The following ARID1A variants were observed in gnomAD, a reference collection of about 807,000 sequenced individuals.
The protein encoded by ARID1A is AT-rich interactive domain-containing protein 1A.
In ARID1A, 20 loss-of-function variants were observed where a neutral mutation model predicts 212.6. The ratio of observed to expected loss-of-function variants is 0.09; its 90% CI spans 0.07 to 0.14. ARID1A has a LOEUF of 0.14. ARID1A is among the 10% of genes least tolerant of loss of function. The pLI is 1.00. For synonymous variants in ARID1A, 1,376 were observed against 1,222.1 expected (o/e 1.13, Z -2.63); for missense variants, 2,587 against 3,059.0 (o/e 0.85, Z 3.64).
At chr1:26,748,367 T>C (rs1341159447) in intron 4 of ARID1A, among the ~76,000 whole-genome samples, 1 of 152,160 alleles carries the variant, frequency 6.6e-6, no homozygotes, top group East Asian at 1.9e-4. Context: ...CACTCCCCTT[T>C]CCTGCCCTCT....
intron 12 of ARID1A, chr1:26,772,180 T>G (rs376278666): frequency 6.1e-6 from 2 of 329,058 alleles, no homozygotes; most frequent in African/African-American, 4.1e-5. Context: ...CAGGGTTTAG[T>G]AGGTTAGACA....
At chr1:26,737,217 G>GGT (rs2080742644) in intron 4 of ARID1A, among the ~76,000 whole-genome samples, 1 of 152,024 alleles carries the variant, frequency 6.6e-6, no homozygotes, top group Non-Finnish European at 1.5e-5. Context: ...CCCAGGTTCA[G>GGT]GTGATCCTCC....
rs2124087644 is a variant in ARID1A, at chr1:26,767,971, C to T, written c.3170C>T (p.Ser1057Phe). 1.2e-6 allele frequency: 2 copies of T among 1,613,808 alleles called. No homozygotes were observed. Among genetic ancestry groups the T allele is most frequent in the Non-Finnish European group, 1.7e-6 (2 of 1,179,884 alleles). ...KPLDLYRLYV[S>F]VKEIGGLTQV... ...CTGGACCTCTATCGCCTCTATGTGT[C>T]TGTGAAGGAGATTGGTGGATTGACT... The change falls in exon 11 of 20, where the codon TCT (serine) becomes TTT (phenylalanine). Residue 1057 changes from serine to phenylalanine, a missense_variant. Around this residue, in one of 11 missense-constraint regions of ARID1A, gnomAD observed 44 missense variants for 99.5 expected, o/e 0.44. Coordinates refer to ENST00000324856, the MANE Select transcript of ARID1A (RefSeq NM_006015.6).
chr1:26,742,967 C>G (rs1297730682), intron 4 of ARID1A, among the ~76,000 whole-genome samples: 4 of 151,844 alleles, frequency 2.6e-5, no homozygotes, highest in Non-Finnish European at 5.9e-5. Context: ...GAGACTGTCT[C>G]AAAAAAAGAA....
chr1:26,711,346 C>T (rs1046017888), intron 1 of ARID1A, among the ~76,000 whole-genome samples: 1 of 152,206 alleles, frequency 6.6e-6, no homozygotes, highest in African/African-American at 2.4e-5. Context: ...AAGTCTCAAA[C>T]TCCTGACCTC....
At chr1:26,720,843 G>A (rs560081475) in intron 1 of ARID1A, among the ~76,000 whole-genome samples, 3 of 151,640 alleles carry the variant, frequency 2.0e-5, no homozygotes, top group African/African-American at 7.3e-5. Context: ...CACTCCAGCC[G>A]GGGTGACAGA....
chr1:26,732,819 G>C (rs2080693221), intron 4 of ARID1A, 27 bp downstream of exon 4: 12 of 1,577,284 alleles, frequency 7.6e-6, no homozygotes, highest in Non-Finnish European at 1.0e-5. Context: ...CTTCTGAAAG[G>C]TGATAGGGGC....
In ARID1A at chr1:26,775,204, C is replaced by A. The variant is rs534386623; in HGVS notation, c.4977C>A (p.Leu1659=). ...TQPVLKQRRR[L]TMKDIGTPEA... ...CTGTGTTGAAGCAGAGGAGGCGGCT[C>A]ACAATGAAAGACATTGGTAAGGAGA... Residue 1659 remains leucine, a synonymous_variant, in exon 18 of 20, where the codon CTC becomes CTA. Coordinates refer to ENST00000324856, the MANE Select transcript of ARID1A (RefSeq NM_006015.6). 23 of 1,592,614 alleles carry A rather than the reference C, an allele frequency of 1.4e-5. No individual in the cohort carries two copies. The South Asian group carries it at 1.8e-4, about 13-fold the overall frequency.
intron 1 of ARID1A, among the ~76,000 whole-genome samples, chr1:26,709,389 C>T (rs2080427512): frequency 6.6e-6 from 1 of 152,066 alleles, no homozygotes; most frequent in Admixed American, 6.6e-5. Flanking sequence ...TCCCCTGCAC[C>T]CAGCACCCCT....
Position 26,766,287 on chromosome 1 carries a change from G to GATTAAT in ARID1A, c.2801_2806dup (p.Ile934_Asn935dup). 1 of 1,614,168 alleles carries GATTAAT rather than the reference G, an allele frequency of 6.2e-7. No homozygotes were observed. The highest frequency in any genetic ancestry group is 8.5e-7 in the Non-Finnish European group (1 of 1,180,026). On this transcript the variant is annotated inframe_insertion, in exon 9 of 20. Transcript: ENST00000324856. ...GAACTGGACCTCCTTATGGACAAGG[G>GATTAAT]ATTAATAGTATGGCTGGCATGATCA...
In ARID1A at chr1:26,773,593, ATAGGGCCTGAGG is replaced by A; in HGVS notation, c.3881_3892del (p.Ile1294_Gly1298delinsArg). 1 of 1,614,198 alleles carries A rather than the reference ATAGGGCCTGAGG, an allele frequency of 6.2e-7. No homozygotes were observed. Among genetic ancestry groups the A allele is most frequent in the Non-Finnish European group, 8.5e-7 (1 of 1,180,026 alleles). ...AATTTTGTTTAGGACGGAGCCTGGA[ATAGGGCCTGAGG>A]GAAACATGAGCACTGGGGCCCCACA... On this transcript the variant is annotated inframe_deletion, in exon 16 of 20. Coordinates refer to ENST00000324856, the MANE Select transcript of ARID1A (RefSeq NM_006015.6).
intron 1 of ARID1A, among the ~76,000 whole-genome samples, chr1:26,718,063 T>C (rs1023151524): frequency 3.9e-5 from 6 of 152,078 alleles, no homozygotes; most frequent in Non-Finnish European, 8.8e-5. Context: ...CAACCTCCGC[T>C]TCCCAGGTTC....
intron 1 of ARID1A, among the ~76,000 whole-genome samples, chr1:26,721,277 T>A (rs1431865885): frequency 6.6e-6 from 1 of 152,170 alleles, no homozygotes; most frequent in Non-Finnish European, 1.5e-5. Context: ...AGTGGTGCGA[T>A]CTCGGCTCAC....
chr1:26,763,638 C>T (rs558333394), intron 8 of ARID1A, among the ~76,000 whole-genome samples: 13 of 152,258 alleles, frequency 8.5e-5, no homozygotes, highest in African/African-American at 2.9e-4. Flanking sequence ...GGTGTGGTGG[C>T]GCACGCCTGT....
chr1:26,767,166 A>G (rs11247596), intron 10 of ARID1A, among the ~76,000 whole-genome samples: 26,342 of 152,190 alleles, frequency 0.17, 2,787 homozygotes, highest in South Asian at 0.27. Flanking sequence ...AATAAAAATC[A>G]TAGCTGTTAA....
Position 26,728,683 on chromosome 1 carries a change from T to C in ARID1A, c.1138-968T>C, listed in dbSNP as rs1363871270. On this transcript the variant is annotated intron_variant, in intron 1 of 19. Transcript: ENST00000324856. ...CCAATGTAAGAGCTAGTTTTTAAGT[T>C]TTATATCAGACCCATGCCTACTCTC... Among the ~76,000 whole-genome samples, 5 of 152,290 alleles carry C rather than the reference T, an allele frequency of 3.3e-5. 1 individual carries two copies. In the East Asian group the frequency reaches 9.6e-4, roughly 29 times the overall value.
chr1:26,719,816 C>G (rs566938267), intron 1 of ARID1A, among the ~76,000 whole-genome samples: 9 of 151,170 alleles, frequency 6.0e-5, no homozygotes, highest in African/African-American at 2.2e-4. Context: ...TGACATGCGC[C>G]TGTAATCCCA....
At chr1:26,773,136 C>G (rs1484205647) in intron 14 of ARID1A, 149 bp downstream of exon 14, 12 of 1,279,796 alleles carry the variant, frequency 9.4e-6, no homozygotes, top group Non-Finnish European at 1.2e-5. Flanking sequence ...TCATCCTTAC[C>G]TCCTTTCTTG....
chr1:26,768,036 T>C, intron 11 of ARID1A, 37 bp downstream of exon 11: 1 of 1,598,208 alleles, frequency 6.3e-7, no homozygotes, highest in Non-Finnish European at 8.6e-7. Context: ...CCCCTGTGGT[T>C]TCCACAAACC....
Sources: allele counts gnomAD v4.1 joint callset (sites outside exome capture counted in the v4.1 genomes callset), GRCh38; gene constraint gnomAD v4.1.1; regional missense constraint gnomAD v4.1.1; transcripts MANE v1.5; gene names NCBI Gene and HGNC (gene_info 2026-07-23, HGNC 2026-07-21).